The following CLRN3 variants were observed in gnomAD, a reference collection of about 807,000 sequenced individuals.
The protein encoded by CLRN3 is clarin-3.
In CLRN3, 12 loss-of-function variants were observed where a neutral mutation model predicts 16.7. That is an observed-to-expected ratio of 0.72 (90% CI 0.46 to 1.16). The LOEUF is 1.16. CLRN3 is among the 50% of genes most tolerant of loss of function. The pLI, the probability that CLRN3 is intolerant of heterozygous loss-of-function variation, is 0.00. For synonymous variants in CLRN3, 118 were observed against 113.0 expected, an observed-to-expected ratio of 1.04 and a Z score of -0.28; for missense variants, 296 against 274.2, an observed-to-expected ratio of 1.08 and a Z score of -0.56.
At chr10:127,888,317 G>A (rs1009759888) in intron 1 of CLRN3, among the ~76,000 whole-genome samples, 7 of 152,142 alleles carry the variant, frequency 4.6e-5, no homozygotes, top group Non-Finnish European at 7.3e-5. Context: ...GGTTCCTTAG[G>A]GAGAAGTGGC....
At chr10:127,888,281 G>T (rs1448767795) in intron 1 of CLRN3, among the ~76,000 whole-genome samples, 9 of 152,180 alleles carry the variant, frequency 5.9e-5, no homozygotes, top group African/African-American at 2.2e-4. Flanking sequence ...CCAGGCTGGT[G>T]CCCCAGCCTC....
At chr10:127,889,164 G>T (rs1845230786) in intron 1 of CLRN3, among the ~76,000 whole-genome samples, 1 of 152,042 alleles carries the variant, frequency 6.6e-6, no homozygotes, top group Non-Finnish European at 1.5e-5. Context: ...TCTACAAAAC[G>T]TAAGAAAAGT....
At chr10:127,882,682 C>G (rs1008580248) in intron 2 of CLRN3, among the ~76,000 whole-genome samples, 1 of 152,210 alleles carries the variant, frequency 6.6e-6, no homozygotes, top group Non-Finnish European at 1.5e-5. Flanking sequence ...TGATGCTGCC[C>G]TCAGCCCCTC....
At chr10:127,883,363 C>T (rs898059652) in intron 2 of CLRN3, among the ~76,000 whole-genome samples, 3 of 152,076 alleles carry the variant, frequency 2.0e-5, no homozygotes, top group Non-Finnish European at 4.4e-5. Flanking sequence ...CCACACAGAG[C>T]CTAGTTTGGA....
At chr10:127,892,509 C>A (rs768895105) in intron 1 of CLRN3, 47 bp downstream of exon 1, 16 of 1,023,874 alleles carry the variant, frequency 1.6e-5, no homozygotes, top group Non-Finnish European at 1.9e-5. Context: ...ATGACATAAA[C>A]CTTAATTCAA....
chr10:127,891,791 A>T (rs1845260226), intron 1 of CLRN3, among the ~76,000 whole-genome samples: 1 of 152,252 alleles, frequency 6.6e-6, no homozygotes. Context: ...ATACCCAATA[A>T]TGCCTGTATA....
chr10:127,884,355 C>T (rs954810663), intron 1 of CLRN3, among the ~76,000 whole-genome samples: 1 of 152,192 alleles, frequency 6.6e-6, no homozygotes, highest in Non-Finnish European at 1.5e-5. Flanking sequence ...GGGGTAATTG[C>T]ATGAGTCAGG....
At chr10:127,882,203 T>C (rs149432106) in intron 2 of CLRN3, among the ~76,000 whole-genome samples, 1 of 152,104 alleles carries the variant, frequency 6.6e-6, no homozygotes, top group Non-Finnish European at 1.5e-5. Context: ...GCCTCGTCCA[T>C]AGTGGCTGCC....
intron 1 of CLRN3, 151 bp downstream of exon 1, chr10:127,892,405 A>G: frequency 1.6e-6 from 1 of 612,226 alleles, no homozygotes; most frequent in Non-Finnish European, 2.9e-6. Context: ...TGACATGGCA[A>G]ATTTCCAAAA....
intron 2 of CLRN3, among the ~76,000 whole-genome samples, chr10:127,879,930 G>A (rs918755004): frequency 6.6e-6 from 1 of 152,136 alleles, no homozygotes; most frequent in African/African-American, 2.4e-5. Context: ...TTGAGACTCC[G>A]TCTGCCGCCA....
rs371486048 is a variant in CLRN3, at chr10:127,883,842, G to A, written c.263C>T (p.Thr88Ile). Reference sequence around the variant, plus strand: ...GAACAGGATAGTCACCGAATGCAGAGTTTTTTGGGAAGAATTATTCAGTAT... The same window carrying A: ...GAACAGGATAGTCACCGAATGCAGAATTTTTTGGGAAGAATTATTCAGTAT... Reference protein sequence around the residue: ...LEILNNSSQKTLHSVTILFLV... With the variant: ...LEILNNSSQKILHSVTILFLV... Residue 88 changes from threonine to isoleucine, a missense_variant, in exon 2 of 3, where the codon ACT becomes ATT. Coordinates refer to ENST00000368671, the MANE Select transcript of CLRN3 (RefSeq NM_152311.5). 3 of 1,614,064 alleles carry A rather than the reference G, an allele frequency of 1.9e-6. No individual in the cohort carries two copies. The highest frequency in any genetic ancestry group is 2.5e-6 in the Non-Finnish European group (3 of 1,180,030).
chr10:127,889,572 C>A (rs532111612), intron 1 of CLRN3, among the ~76,000 whole-genome samples: 4 of 150,680 alleles, frequency 2.7e-5, no homozygotes, highest in Non-Finnish European at 5.9e-5. Flanking sequence ...TGCAGTGAGC[C>A]GAGATGGCGC....
chr10:127,890,795 G>A (rs189082261), intron 1 of CLRN3, among the ~76,000 whole-genome samples: 46 of 152,222 alleles, frequency 3.0e-4, no homozygotes, highest in Non-Finnish European at 2.1e-4. Context: ...GCTGAACACC[G>A]CAAGTTGAAG....
At chr10:127,879,824 A>G (rs973206524) in intron 2 of CLRN3, among the ~76,000 whole-genome samples, 5 of 152,214 alleles carry the variant, frequency 3.3e-5, no homozygotes, top group African/African-American at 7.2e-5. Context: ...AAGGATGCCT[A>G]TGTTCCAGGA....
chr10:127,883,233 G>A (rs1845150177), intron 2 of CLRN3, among the ~76,000 whole-genome samples: 1 of 152,118 alleles, frequency 6.6e-6, no homozygotes, highest in African/African-American at 2.4e-5. Flanking sequence ...TTGTCATGTG[G>A]AGGAGGAAAG....
At chr10:127,887,321 CTAAA>C (rs1487448041) in intron 1 of CLRN3, among the ~76,000 whole-genome samples, 2 of 152,136 alleles carry the variant, frequency 1.3e-5, no homozygotes, top group Non-Finnish European at 2.9e-5. Flanking sequence ...TTGCTGGGGA[CTAAA>C]TAAACTCACT....
At chr10:127,886,359 G>A (rs543134735) in intron 1 of CLRN3, among the ~76,000 whole-genome samples, 2 of 152,370 alleles carry the variant, frequency 1.3e-5, no homozygotes, top group South Asian at 2.1e-4. Context: ...GAGTGGGCAT[G>A]AAGGAGATGT....
At chr10:127,881,878 A>G (rs531879550) in intron 2 of CLRN3, among the ~76,000 whole-genome samples, 1 of 152,342 alleles carries the variant, frequency 6.6e-6, no homozygotes, top group African/African-American at 2.4e-5. Context: ...TAGATGGAGC[A>G]ATGGCAGGAA....
Position 127,883,770 on chromosome 10 carries a change from A to G in CLRN3, c.335T>C (p.Phe112Ser), listed in dbSNP as rs1351721994. ...ITSLLSSGFTFYNSISNPYQT... is the reference protein window; with the variant it reads ...ITSLLSSGFTSYNSISNPYQT... ...GTAAGGGTTGCTGATGCTGTTGTAG[A>G]AGGTAAACCCAGAGCTCAGCAGCGA... The change falls in exon 2 of 3, where the codon TTC becomes TCC. Residue 112 changes from phenylalanine (F) to serine (S), a missense_variant. Transcript: ENST00000368671. 1 of 1,613,928 alleles carries G rather than the reference A, an allele frequency of 6.2e-7. No homozygotes were observed. The highest frequency in any genetic ancestry group is 1.3e-5 in the African/African-American group (1 of 74,922).
Sources: gnomAD v4.1 joint callset for allele counts (sites outside exome capture counted in the v4.1 genomes callset) on GRCh38, gnomAD v4.1.1 for gene constraint, MANE v1.5 for transcripts, NCBI Gene and HGNC (gene_info 2026-07-23, HGNC 2026-07-21) for gene names.